Variants in AGBL3 observed in about 807,000 individuals in gnomAD.
The protein encoded by AGBL3 is cytosolic carboxypeptidase 3.
A neutral mutation model predicts 94.5 loss-of-function variants in AGBL3; 68 were observed. The ratio of observed to expected loss-of-function variants is 0.72; its 90% CI spans 0.59 to 0.88. The LOEUF (loss-of-function observed/expected upper bound fraction) is 0.88, where lower values mean the gene tolerates loss of function less well. AGBL3 is among the 40% of genes least tolerant of loss of function. The pLI is 0.00. For missense variants in AGBL3, 934 were observed against 1,103.8 expected (o/e 0.85, Z 2.18); for synonymous variants, 354 against 370.7 (o/e 0.95, Z 0.52).
rs1478096773 is a variant in AGBL3, at chr7:135,017,079, T to G, written c.338T>G (p.Val113Gly). ...TGGACTCCTTCTTGTCCTGAGCCAG[T>G]GTATATCCCAACGGGCTTAGAAACG... ...IDWTPSCPEP[V>G]YIPTGLETEP... The change falls in exon 5 of 17, where the codon GTG becomes GGG. Residue 113 changes from valine to glycine, a missense_variant. Coordinates refer to ENST00000436302, the MANE Select transcript of AGBL3 (RefSeq NM_178563.4). The G allele has an allele frequency of 1.9e-6, 3 of 1,549,844 alleles. No individual in the cohort carries two copies. The highest frequency in any genetic ancestry group is 1.7e-4 in the Middle Eastern group (1 of 6,004).
Position 135,034,763 on chromosome 7 carries a change from T to C in AGBL3, c.1172T>C (p.Leu391Pro), listed in dbSNP as rs1816129626. ...ILGNSSDAQLLRDTFVFKVVP... is the reference protein window; with the variant it reads ...ILGNSSDAQLPRDTFVFKVVP... Reference sequence around the variant, plus strand: ...GGAAACTCAAGTGATGCACAGTTGCTTCGGGACACTTTTGTCTTCAAGGTG... The same window carrying C: ...GGAAACTCAAGTGATGCACAGTTGCCTCGGGACACTTTTGTCTTCAAGGTG... Residue 391 changes from leucine (L) to proline (P), a missense_variant, in exon 7 of 17, where the codon CTT (leucine) becomes CCT (proline). This residue lies in a region of AGBL3 where 488 missense variants were observed against 563.6 expected (regional missense o/e 0.87). Coordinates refer to ENST00000436302, the MANE Select transcript of AGBL3 (RefSeq NM_178563.4). 4 of 1,551,736 alleles carry C rather than the reference T, an allele frequency of 2.6e-6. No individual in the cohort carries two copies. The highest frequency in any genetic ancestry group is 2.6e-6 in the Non-Finnish European group (3 of 1,147,026).
At chr7:135,051,125 T>A in intron 11 of AGBL3, 1 of 389,698 alleles carries the variant, frequency 2.6e-6, no homozygotes, top group South Asian at 1.9e-5. Flanking sequence ...GAAGAAAGAA[T>A]GTACTAATTT....
At chr7:135,021,527 T>C (rs1043790612) in intron 5 of AGBL3, among the ~76,000 whole-genome samples, 26 of 151,898 alleles carry the variant, frequency 1.7e-4, no homozygotes, top group Non-Finnish European at 2.9e-4. Flanking sequence ...CTCCTGACCT[T>C]GTGATCCGCC....
At chr7:135,100,591 C>A (rs754142975) in intron 15 of AGBL3, among the ~76,000 whole-genome samples, 9 of 152,134 alleles carry the variant, frequency 5.9e-5, no homozygotes, top group Non-Finnish European at 8.8e-5. Context: ...AAAATGGGTT[C>A]TGATGAAAGA....
intron 12 of AGBL3, among the ~76,000 whole-genome samples, chr7:135,072,685 G>A (rs1484530713): frequency 2.0e-5 from 3 of 149,454 alleles, no homozygotes; most frequent in African/African-American, 7.4e-5. Context: ...AACACCGCAT[G>A]TTCTCACTCA....
chr7:135,122,263 T>C (rs572547991), intron 16 of AGBL3, among the ~76,000 whole-genome samples: 40 of 152,344 alleles, frequency 2.6e-4, no homozygotes, highest in Non-Finnish European at 4.7e-4. Flanking sequence ...ACACTGACTG[T>C]GGCTGACTGT....
intron 4 of AGBL3, among the ~76,000 whole-genome samples, chr7:135,001,052 T>A (rs1811654022): frequency 6.6e-6 from 1 of 152,208 alleles, no homozygotes; most frequent in South Asian, 2.1e-4. Flanking sequence ...GCCTTCAGTT[T>A]TACAATATTA....
At chr7:135,036,362 T>TA (rs968356403) in intron 7 of AGBL3, among the ~76,000 whole-genome samples, 5 of 12,598 alleles carry the variant, frequency 4.0e-4, no homozygotes, top group Middle Eastern at 0.05. Context: ...CAGGAATGTG[T>TA]AATTTTTTTT....
intron 12 of AGBL3, among the ~76,000 whole-genome samples, chr7:135,076,079 T>C (rs1263496299): frequency 6.6e-6 from 1 of 152,228 alleles, no homozygotes; most frequent in Non-Finnish European, 1.5e-5. Context: ...AGGGATTTTT[T>C]TAAATTGCAT....
chr7:135,044,090 G>A lies in AGBL3; in HGVS notation c.1566G>A (p.Met522Ile). The A allele has an allele frequency of 6.4e-7, 1 of 1,550,970 alleles. No individual in the cohort carries two copies. The highest frequency in any genetic ancestry group is 8.7e-7 in the Non-Finnish European group (1 of 1,146,324). ...AAGAAGGAACAGGAAGGGTGGTAAT[G>A]TGGAAAATGGGAATCAGGAACAGCT... The part of the protein sequence containing the change: ...KSKEGTGRVV[M>I]WKMGIRNSFT... Residue 522 changes from methionine to isoleucine, a missense_variant, in exon 9 of 17, where the codon ATG becomes ATA. Transcript: ENST00000436302.
At chr7:135,035,076 C>T in intron 7 of AGBL3, 148 bp downstream of exon 7, 2 of 722,008 alleles carry the variant, frequency 2.8e-6, no homozygotes, top group Admixed American at 3.6e-5. Flanking sequence ...TTATTCACAA[C>T]TGTGATTCTA....
chr7:135,017,567 T>A (rs1813949178), intron 5 of AGBL3, among the ~76,000 whole-genome samples: 1 of 152,218 alleles, frequency 6.6e-6, no homozygotes, highest in Non-Finnish European at 1.5e-5. Context: ...GTTATAATCT[T>A]TAAAAGAGAA....
At chr7:134,993,460 C>A in intron 3 of AGBL3, 33 bp from the exon 4 acceptor site, 6 of 1,482,966 alleles carry the variant, frequency 4.0e-6, no homozygotes, top group South Asian at 2.8e-5. Flanking sequence ...TTTCTTCTTC[C>A]CACTCATGAT....
At chr7:135,111,923 A>G (rs1825696442) in intron 15 of AGBL3, among the ~76,000 whole-genome samples, 1 of 152,110 alleles carries the variant, frequency 6.6e-6, no homozygotes, top group Non-Finnish European at 1.5e-5. Flanking sequence ...CCTACTGGAT[A>G]TCGCCATCTG....
rs866097440 is a variant in AGBL3, at chr7:135,129,552, T to G, written c.2343-5289T>G. On this transcript the variant is annotated intron_variant, in intron 16 of 16. Transcript: ENST00000436302. ...GACATGTACTGGCTGTATGCAATATTTCTGTTGGATTTGCATGAGTTCTCT... is the reference window on the plus strand; with the variant it reads ...GACATGTACTGGCTGTATGCAATATGTCTGTTGGATTTGCATGAGTTCTCT... The G allele has an allele frequency of 3.9e-6, 3 of 772,350 alleles. No homozygotes were observed. In the African/African-American group the frequency reaches 5.1e-5, roughly 13 times the overall value. 47.8% of individuals were successfully genotyped at this position (772,350 alleles called of 1,614,324 possible).
chr7:135,121,511 C>A, intron 16 of AGBL3, among the ~76,000 whole-genome samples: 1 of 141,848 alleles, frequency 7.0e-6, no homozygotes, highest in African/African-American at 2.6e-5. Context: ...TATCTGACCA[C>A]AATGGAATCC....
intron 11 of AGBL3, among the ~76,000 whole-genome samples, chr7:135,054,916 T>C (rs1482365623): frequency 6.6e-6 from 1 of 152,196 alleles, no homozygotes; most frequent in Non-Finnish European, 1.5e-5. Flanking sequence ...ATTTAGCTCA[T>C]AGTTTTGCAG....
intron 5 of AGBL3, among the ~76,000 whole-genome samples, chr7:135,028,746 A>G (rs1815414829): frequency 6.6e-6 from 1 of 152,220 alleles, no homozygotes; most frequent in Admixed American, 6.5e-5. Flanking sequence ...GAAGGTTTTC[A>G]ATTTACTTTG....
At position 135,073,234 on chromosome 7, in the gene AGBL3, G is replaced by A. The variant is rs566770776; in HGVS notation, c.1909-3163G>A. On this transcript the variant is annotated intron_variant, in intron 12 of 16. Transcript: ENST00000436302. Reference sequence around the variant, plus strand: ...TGTAATCCCAGCACTATGGGAGGCCGATGCAGGTGGATCACGAGGTCAGAA... The same window carrying A: ...TGTAATCCCAGCACTATGGGAGGCCAATGCAGGTGGATCACGAGGTCAGAA... Among the ~76,000 whole-genome samples, 313 of 152,186 alleles carry A rather than the reference G, an allele frequency of 2.1e-3. 1 individual carries two copies. The highest frequency in any genetic ancestry group is 6.8e-3 in the African/African-American group (283 of 41,518).
Sources: allele counts gnomAD v4.1 joint callset (sites outside exome capture counted in the v4.1 genomes callset), GRCh38; gene constraint gnomAD v4.1.1; regional missense constraint gnomAD v4.1.1; transcripts MANE v1.5; gene names NCBI Gene and HGNC (gene_info 2026-07-23, HGNC 2026-07-21).